ROBO1: variants seen among roughly 807,000 people sequenced by gnomAD.
ROBO1 encodes the protein roundabout homolog 1.
A neutral mutation model predicts 195.9 loss-of-function variants in ROBO1; 149 were observed. The ratio of observed to expected loss-of-function variants is 0.76; its 90% confidence interval spans 0.67 to 0.87. The LOEUF (loss-of-function observed/expected upper bound fraction) is 0.87. ROBO1 is among the 40% of genes least tolerant of loss of function. The pLI, the probability that ROBO1 is intolerant of heterozygous loss-of-function variation, is 0.00. For missense variants in ROBO1, 1,933 were observed against 2,068.3 expected (o/e 0.93, Z 1.27); for synonymous variants, 816 against 733.2 (o/e 1.11, Z -1.82).
chr3:78,664,334 A>G (rs991339702), intron 14 of ROBO1, among the ~76,000 whole-genome samples: 1 of 152,180 alleles, frequency 6.6e-6, no homozygotes, highest in African/African-American at 2.4e-5. Flanking sequence ...ACTCATTGAT[A>G]ATAACTGACA....
chr3:79,500,119 CTTTTTTTTTTT>C (rs57887981), intron 2 of ROBO1, among the ~76,000 whole-genome samples: 2,484 of 72,524 alleles, frequency 0.034, 109 homozygotes, highest in African/African-American at 0.13. Flanking sequence ...TAAGTTTTCT[CTTTTTTTTTTT>C]TTTTTTTTTT....
At chr3:79,586,838 C>T (rs1474799660) in intron 2 of ROBO1, among the ~76,000 whole-genome samples, 1 of 151,738 alleles carries the variant, frequency 6.6e-6, no homozygotes, top group East Asian at 1.9e-4. Flanking sequence ...GAAATTAAGT[C>T]AAGACGTGGC....
intron 2 of ROBO1, among the ~76,000 whole-genome samples, chr3:79,164,804 G>A (rs145528617): frequency 1.3e-5 from 2 of 152,190 alleles, no homozygotes; most frequent in East Asian, 1.9e-4. Flanking sequence ...GTGGCCTAAT[G>A]GTTTCTTGCT....
intron 3 of ROBO1, among the ~76,000 whole-genome samples, chr3:79,036,263 C>A (rs1233755669): frequency 1.3e-5 from 2 of 151,916 alleles, no homozygotes; most frequent in African/African-American, 4.8e-5. Flanking sequence ...AATAAATGAT[C>A]ATTTATATAA....
intron 2 of ROBO1, among the ~76,000 whole-genome samples, chr3:79,338,078 G>A (rs990424239): frequency 6.6e-6 from 1 of 152,194 alleles, no homozygotes; most frequent in Non-Finnish European, 1.5e-5. Flanking sequence ...ATTTTTGGTT[G>A]CCTTCAATCT....
At chr3:79,357,665 T>C (rs6795969) in intron 2 of ROBO1, among the ~76,000 whole-genome samples, 148,637 of 152,180 alleles carry the variant, frequency 0.98, 72,597 homozygotes, top group East Asian at 1. Context: ...TGAATTTCCC[T>C]GAGGACAAGG....
intron 2 of ROBO1, among the ~76,000 whole-genome samples, chr3:79,577,706 T>C (rs1373794162): frequency 5.4e-5 from 8 of 147,166 alleles, no homozygotes; most frequent in Admixed American, 1.4e-4. Context: ...AGAAATCCTG[T>C]CTTTACTAAA....
chr3:78,727,368 T>C (rs1465164268), intron 5 of ROBO1, among the ~76,000 whole-genome samples: 1 of 152,194 alleles, frequency 6.6e-6, no homozygotes, highest in Non-Finnish European at 1.5e-5. Flanking sequence ...GGCTCATGCC[T>C]GTAATCCCAG....
chr3:78,864,992 T>C (rs1480826349), intron 4 of ROBO1, among the ~76,000 whole-genome samples: 1 of 152,194 alleles, frequency 6.6e-6, no homozygotes, highest in Non-Finnish European at 1.5e-5. Context: ...TTGGTGGCAA[T>C]ATCTTTACTA....
At chr3:79,284,840 T>G (rs2031783412) in intron 2 of ROBO1, among the ~76,000 whole-genome samples, 2 of 152,158 alleles carry the variant, frequency 1.3e-5, no homozygotes. Flanking sequence ...AAATCTTTAC[T>G]TGTAATAGAA....
chr3:78,938,590 A>G lies in ROBO1; in HGVS notation c.499+11T>C, dbSNP rs375950159. On this transcript the variant is annotated intron_variant, in intron 4 of 30. Coordinates refer to ENST00000464233, the MANE Select transcript of ROBO1 (RefSeq NM_002941.4). ...TCCCTCTGCCAAACACAGAGCGCCC[A>G]GTTTACTTACTGGCTACTTCCAGCG... 2.6e-4 allele frequency: 410 copies of G among 1,597,550 alleles called. No homozygotes were observed. Among genetic ancestry groups the G allele is most frequent in the Non-Finnish European group, 3.3e-4 (387 of 1,169,066 alleles).
intron 2 of ROBO1, among the ~76,000 whole-genome samples, chr3:79,255,075 C>T (rs2082804813): frequency 6.6e-6 from 1 of 152,174 alleles, no homozygotes; most frequent in Non-Finnish European, 1.5e-5. Context: ...TACCATCATC[C>T]ATCTCATCCA....
At chr3:79,634,408 AG>A (rs1477748553) in intron 1 of ROBO1, among the ~76,000 whole-genome samples, 6 of 152,154 alleles carry the variant, frequency 3.9e-5, no homozygotes, top group African/African-American at 1.4e-4. Context: ...GAACAAAAAT[AG>A]GTTATACTTT....
intron 2 of ROBO1, among the ~76,000 whole-genome samples, chr3:79,359,939 T>G (rs1337577683): frequency 2.0e-5 from 3 of 151,968 alleles, no homozygotes; most frequent in Non-Finnish European, 2.9e-5. Flanking sequence ...ATACTTGAAC[T>G]AAATTTGAAG....
intron 2 of ROBO1, among the ~76,000 whole-genome samples, chr3:79,572,089 A>T (rs1026678469): frequency 1.3e-5 from 2 of 152,110 alleles, no homozygotes; most frequent in Admixed American, 1.3e-4. Context: ...CCAGCATGGC[A>T]CATGTATACA....
chr3:78,606,608 T>C, intron 29 of ROBO1, 125 bp downstream of exon 29: 1 of 868,242 alleles, frequency 1.2e-6, no homozygotes, highest in Non-Finnish European at 1.9e-6. Flanking sequence ...AGTACATGCC[T>C]ATCTCCTCCA....
chr3:79,725,904 TAA>T lies in ROBO1; in HGVS notation c.-51+41846_-51+41847del, dbSNP rs34114066. On this transcript the variant is annotated intron_variant, in intron 1 of 30. Transcript: ENST00000464233. ...ATAATAAAGCTTACATACAGACACT[TAA>T]AAAAAAAAACTTTTCTTAAAAAAAA... is the stretch of plus-strand genomic sequence containing the variant. Among the ~76,000 whole-genome samples the T allele has an allele frequency of 2.6e-4, 38 of 147,372 alleles. 1 individual carries two copies. Among genetic ancestry groups the T allele is most frequent in the Admixed American group, 2.4e-3 (35 of 14,804 alleles).
At chr3:78,682,445 G>GTGTATA (rs950967755) in intron 10 of ROBO1, among the ~76,000 whole-genome samples, 7 of 148,432 alleles carry the variant, frequency 4.7e-5, no homozygotes, top group African/African-American at 1.7e-4. Context: ...ATATGACTGT[G>GTGTATA]TGTATATGTA....
intron 1 of ROBO1, among the ~76,000 whole-genome samples, chr3:79,766,836 A>G (rs1186179770): frequency 6.6e-6 from 1 of 151,900 alleles, no homozygotes; most frequent in East Asian, 1.9e-4. Context: ...AGGCTCCTGG[A>G]CCTCCCTGCA....
Sources: allele counts gnomAD v4.1 joint callset (sites outside exome capture counted in the v4.1 genomes callset), GRCh38; gene constraint gnomAD v4.1.1; transcripts MANE v1.5; gene names NCBI Gene and HGNC (gene_info 2026-07-23, HGNC 2026-07-21).